The following SMTNL2 variants were observed in gnomAD, a reference collection of about 807,000 sequenced individuals.
SMTNL2 encodes smoothelin-like protein 2.
A neutral mutation model predicts 44.1 loss-of-function variants in SMTNL2; 43 were observed. The ratio of observed to expected loss-of-function variants is 0.98; its 90% confidence interval spans 0.76 to 1.26. The LOEUF (loss-of-function observed/expected upper bound fraction) is 1.26, where lower values mean the gene tolerates loss of function less well. Among genes scored for constraint, SMTNL2 ranks in the 50% most tolerant of loss-of-function variants. The probability of loss-of-function intolerance (pLI) is 0.00; values close to 1 mark genes in which losing one functional copy is unlikely to be tolerated. For missense variants in SMTNL2, 646 were observed against 670.2 expected (o/e 0.96, Z 0.40); for synonymous variants, 317 against 287.6 (o/e 1.10, Z -1.03).
At chr17:4,597,359 G>A (rs1336439931) in intron 7 of SMTNL2, 36 bp downstream of exon 7, 2 of 1,604,928 alleles carry the variant, frequency 1.2e-6, no homozygotes, top group South Asian at 1.1e-5. Flanking sequence ...ACCAGCCCCA[G>A]CCCAGTCCCT....
chr17:4,590,362 C>T (rs910202873), intron 1 of SMTNL2, among the ~76,000 whole-genome samples: 2 of 152,100 alleles, frequency 1.3e-5, no homozygotes, highest in African/African-American at 4.8e-5. Context: ...CCTCATTCTC[C>T]GCAGACTGCT....
At chr17:4,591,129 CATCCTT>C (rs1201590075) in intron 1 of SMTNL2, among the ~76,000 whole-genome samples, 1 of 152,220 alleles carries the variant, frequency 6.6e-6, no homozygotes, top group Non-Finnish European at 1.5e-5. Context: ...CTGTGTGAGG[CATCCTT>C]ATCCTGACAC....
Position 4,585,010 on chromosome 17 carries a change from C to A in SMTNL2, c.399+6C>A. The A allele has an allele frequency of 7.6e-7, 1 of 1,323,744 alleles. No homozygotes were observed. 82.0% of individuals were successfully genotyped at this position (1,323,744 alleles called of 1,614,324 possible). ...CGCTGTCCGGCCGCGGCCAGGTGAG[C>A]CCGGGGGAGCGCGTGCGCTGGCGCC... On this transcript the variant is annotated splice_donor_region_variant and intron_variant, in intron 1 of 7. Transcript: ENST00000389313.
intron 4 of SMTNL2, among the ~76,000 whole-genome samples, chr17:4,594,317 TGG>T (rs1909710935): frequency 1.3e-5 from 2 of 151,882 alleles, no homozygotes; most frequent in African/African-American, 4.8e-5. Context: ...GGCATGGTGG[TGG>T]GTGCCTGTAA....
In SMTNL2 at chr17:4,588,310, G is replaced by A. The variant is rs1237038127; in HGVS notation, c.399+3306G>A. On this transcript the variant is annotated intron_variant, in intron 1 of 7. Coordinates refer to ENST00000389313, the MANE Select transcript of SMTNL2 (RefSeq NM_001114974.2). Reference sequence around the variant, plus strand: ...GTCTAAAAGCTTTTCCAATAAGAAGGTCCCTGAAATCAGACTTACCTCATC... The same window carrying A: ...GTCTAAAAGCTTTTCCAATAAGAAGATCCCTGAAATCAGACTTACCTCATC... Among the ~76,000 whole-genome samples, 3 of 152,284 alleles carry A rather than the reference G, an allele frequency of 2.0e-5. No homozygotes were observed. The East Asian group carries it at 5.8e-4, about 29-fold the overall frequency.
At chr17:4,587,332 C>T (rs747094830) in intron 1 of SMTNL2, among the ~76,000 whole-genome samples, 18 of 152,196 alleles carry the variant, frequency 1.2e-4, no homozygotes, top group South Asian at 4.1e-4. Context: ...CCCCGAAGCA[C>T]CAATCCCCAT....
intron 7 of SMTNL2, among the ~76,000 whole-genome samples, chr17:4,603,990 A>G (rs1049612965): frequency 2.6e-5 from 4 of 151,624 alleles, no homozygotes; most frequent in Admixed American, 6.6e-5. Flanking sequence ...GACTGCAGGC[A>G]TACGCCACCA....
intron 1 of SMTNL2, among the ~76,000 whole-genome samples, chr17:4,589,428 C>T (rs945097302): frequency 7.9e-5 from 12 of 152,234 alleles, no homozygotes; most frequent in African/African-American, 2.6e-4. Context: ...TTCTCCTCCC[C>T]CTGCCGACAT....
At position 4,607,095 on chromosome 17, in the gene SMTNL2, A is replaced by AG. The variant is rs1910309457; in HGVS notation, c.1260-266_1260-265insG. On this transcript the variant is annotated intron_variant, in intron 7 of 7. Coordinates refer to ENST00000389313, the MANE Select transcript of SMTNL2 (RefSeq NM_001114974.2). The surrounding 1 kb of genome is among the most constrained non-coding windows in gnomAD (Gnocchi z 4.7). ...GCAAGCCCCTGTCTCTAAAAAAAAA[A>AG]CCCAAATTAAATAAAGTAAGTCTGT... Among the ~76,000 whole-genome samples, 1 of 152,052 alleles carries AG rather than the reference A, an allele frequency of 6.6e-6. No homozygotes were observed. The highest frequency in any genetic ancestry group is 1.5e-5 in the Non-Finnish European group (1 of 68,004).
At chr17:4,593,933 G>A (rs758205024) in intron 4 of SMTNL2, 36 bp downstream of exon 4, 63 of 1,606,198 alleles carry the variant, frequency 3.9e-5, no homozygotes, top group African/African-American at 5.4e-5. Context: ...GGGTCGCTGC[G>A]CCCCAGGTGT....
chr17:4,603,223 G>A (rs1268342232), intron 7 of SMTNL2, among the ~76,000 whole-genome samples: 3 of 152,222 alleles, frequency 2.0e-5, no homozygotes, highest in East Asian at 3.9e-4. Context: ...GTGGGTTAGG[G>A]AGTGGCAAGA....
chr17:4,589,339 A>G (rs1229258450), intron 1 of SMTNL2, among the ~76,000 whole-genome samples: 1 of 152,018 alleles, frequency 6.6e-6, no homozygotes, highest in African/African-American at 2.4e-5. Flanking sequence ...CTGTCAGACG[A>G]GAGCAGGGTG....
Position 4,603,038 on chromosome 17 carries a change from C to T in SMTNL2, c.1260-4323C>T, listed in dbSNP as rs560504424. 3.8e-4 allele frequency among the ~76,000 whole-genome samples: 58 copies of T among 152,336 alleles called. 1 individual carries two copies. The highest frequency in any genetic ancestry group is 1.2e-3 in the South Asian group (6 of 4,830). On this transcript the variant is annotated intron_variant, in intron 7 of 7. Transcript: ENST00000389313. ...GATGACACAGGGCATGGCATCCACT[C>T]CCATCCTGACTGCCACCCTGGACTT...
intron 1 of SMTNL2, among the ~76,000 whole-genome samples, chr17:4,587,353 G>A (rs1567631192): frequency 1.3e-5 from 2 of 152,346 alleles, no homozygotes; most frequent in East Asian, 3.9e-4. Context: ...CTCTCTTGCT[G>A]TCCTCCGTCT....
chr17:4,587,239 G>A (rs1909378456), intron 1 of SMTNL2, among the ~76,000 whole-genome samples: 1 of 152,166 alleles, frequency 6.6e-6, no homozygotes, highest in African/African-American at 2.4e-5. Context: ...GTGGAACATG[G>A]CTATGGTCCC....
rs150413321 is a variant in SMTNL2 at position 4,599,049 on chromosome 17, C to A, written c.1259+1726C>A. Among the ~76,000 whole-genome samples the A allele has an allele frequency of 1.5e-3, 227 of 152,312 alleles. 3 individuals carry two copies. The highest frequency in any genetic ancestry group is 5.2e-3 in the African/African-American group (217 of 41,584). ...CTTGGTATTGTAAGTCTCGCTTTGA[C>A]CTGAGATAGCTGCCCCTCTCTGGGG... On this transcript the variant is annotated intron_variant, in intron 7 of 7. Coordinates refer to ENST00000389313, the MANE Select transcript of SMTNL2 (RefSeq NM_001114974.2).
At chr17:4,587,469 A>G (rs542112107) in intron 1 of SMTNL2, among the ~76,000 whole-genome samples, 18 of 152,326 alleles carry the variant, frequency 1.2e-4, no homozygotes, top group African/African-American at 4.1e-4. Flanking sequence ...GCACGATGTG[A>G]TCAAGAGCTT....
At position 4,596,909 on chromosome 17, in the gene SMTNL2, G is replaced by C. The variant is rs762369593; in HGVS notation, c.1039G>C (p.Val347Leu). 8 of 1,521,680 alleles carry C rather than the reference G, an allele frequency of 5.3e-6. No individual in the cohort carries two copies. The South Asian group carries it at 8.4e-5, about 16-fold the overall frequency. The allele number at this position is 1,521,680 out of a possible 1,614,324, so 94.3% of individuals were successfully genotyped here. A position where few individuals can be genotyped will look rare whatever the true frequency, so the allele number is the denominator to read the frequency against. The change falls in exon 6 of 8, where the codon GTG becomes CTG. Residue 347 changes from valine (V) to leucine (L), a missense_variant. Val to Leu is a conservative substitution (Grantham distance 32). Transcript: ENST00000389313. ...ARLKRSQSFG[V>L]ASASSIKQIL... ...GCTGAAGCGGTCGCAGAGCTTCGGC[G>C]TGGCCAGCGCCAGCAGCATCAAGCA...
At chr17:4,605,655 C>T (rs531467262) in intron 7 of SMTNL2, among the ~76,000 whole-genome samples, 44 of 152,298 alleles carry the variant, frequency 2.9e-4, no homozygotes, top group African/African-American at 9.6e-4. Flanking sequence ...TCAACCCTGA[C>T]AGCCATGCGC....
Sources: allele counts gnomAD v4.1 joint callset (sites outside exome capture counted in the v4.1 genomes callset), GRCh38; gene constraint gnomAD v4.1.1; non-coding constraint Gnocchi (gnomAD v3.1); transcripts MANE v1.5; gene names NCBI Gene and HGNC (gene_info 2026-07-23, HGNC 2026-07-21).